The following SOHLH2 variants were observed in gnomAD, a reference collection of about 807,000 sequenced individuals.
SOHLH2 encodes the protein spermatogenesis- and oogenesis-specific basic helix-loop-helix-containing protein 2.
Under a neutral mutation model 50.4 loss-of-function variants are expected in SOHLH2, and 22 were observed. The observed-to-expected ratio is 0.44, with a 90% confidence interval of 0.31 to 0.62. SOHLH2 has a LOEUF of 0.62. Among genes scored for constraint, SOHLH2 ranks in the 20% least tolerant of loss-of-function variants. The pLI is 0.08. For missense variants in SOHLH2, 412 were observed against 504.4 expected (o/e 0.82, Z 1.76); for synonymous variants, 185 against 187.3 (o/e 0.99, Z 0.10).
chr13:36,194,136 A>C (rs575233374), intron 2 of SOHLH2, among the ~76,000 whole-genome samples: 162 of 152,030 alleles, frequency 1.1e-3, no homozygotes, highest in African/African-American at 3.7e-3. Context: ...AATTTTGTGG[A>C]AAGAAACATT....
chr13:36,180,658 A>G (rs1463188176), intron 6 of SOHLH2, among the ~76,000 whole-genome samples: 4 of 134,698 alleles, frequency 3.0e-5, no homozygotes, highest in African/African-American at 1.1e-4. Flanking sequence ...TTTTTTTTTA[A>G]TTTCCATATA....
chr13:36,171,864 C>T (rs1287903963), intron 9 of SOHLH2, among the ~76,000 whole-genome samples: 2 of 151,890 alleles, frequency 1.3e-5, no homozygotes, highest in Non-Finnish European at 2.9e-5. Context: ...ATGTATGACA[C>T]AAAGTTAAGT....
chr13:36,177,425 T>G (rs920655124), intron 6 of SOHLH2, among the ~76,000 whole-genome samples: 2 of 152,124 alleles, frequency 1.3e-5, no homozygotes, highest in African/African-American at 4.8e-5. Context: ...TTATTTCTCT[T>G]GGGTAATATC....
chr13:36,197,702 A>C (rs550131894), intron 2 of SOHLH2, among the ~76,000 whole-genome samples: 1 of 152,294 alleles, frequency 6.6e-6, no homozygotes, highest in South Asian at 2.1e-4. Context: ...CTTGTAACAA[A>C]TAATGTTCTT....
intron 10 of SOHLH2, 126 bp from the exon 11 acceptor site, chr13:36,169,180 A>G: frequency 7.4e-7 from 1 of 1,348,016 alleles, no homozygotes; most frequent in Non-Finnish European, 9.7e-7. Flanking sequence ...TTAAATCCTC[A>G]GGTGAATAAG....
chr13:36,180,149 C>T, intron 6 of SOHLH2, among the ~76,000 whole-genome samples: 1 of 152,120 alleles, frequency 6.6e-6, no homozygotes, highest in African/African-American at 2.4e-5. Context: ...TTATCCAGTA[C>T]ATCTAGGTTG....
At chr13:36,207,149 G>A (rs886567463) in intron 1 of SOHLH2, among the ~76,000 whole-genome samples, 2 of 151,808 alleles carry the variant, frequency 1.3e-5, no homozygotes, top group Admixed American at 6.6e-5. Flanking sequence ...TTTAATGTAT[G>A]AATTTAAGTA....
At chr13:36,208,401 T>C (rs771091032) in intron 1 of SOHLH2, among the ~76,000 whole-genome samples, 62 of 152,332 alleles carry the variant, frequency 4.1e-4, no homozygotes, top group African/African-American at 1.0e-3. Context: ...AATCCAATAC[T>C]ATCATTTATT....
chr13:36,180,968 G>A (rs1253011635), intron 6 of SOHLH2, among the ~76,000 whole-genome samples: 1 of 152,068 alleles, frequency 6.6e-6, no homozygotes, highest in Non-Finnish European at 1.5e-5. Flanking sequence ...AGAGAGGAGT[G>A]TTAAATCTCC....
At chr13:36,193,928 A>C in intron 2 of SOHLH2, 61 bp from the exon 3 acceptor site, 15 of 1,525,848 alleles carry the variant, frequency 9.8e-6, no homozygotes, top group Non-Finnish European at 1.3e-5. Context: ...ATTGAGATTC[A>C]GGAGTTTAGC....
At chr13:36,194,995 T>C (rs1887680446) in intron 2 of SOHLH2, among the ~76,000 whole-genome samples, 1 of 152,254 alleles carries the variant, frequency 6.6e-6, no homozygotes. Flanking sequence ...TCATATATAT[T>C]GAGAACCTCT....
chr13:36,212,633 T>C (rs990543187), intron 1 of SOHLH2, among the ~76,000 whole-genome samples: 4 of 152,232 alleles, frequency 2.6e-5, no homozygotes, highest in African/African-American at 9.6e-5. Context: ...TGATGAAATA[T>C]CTTTTTCTGT....
intron 1 of SOHLH2, among the ~76,000 whole-genome samples, chr13:36,208,106 C>T (rs1868893225): frequency 6.6e-6 from 1 of 152,184 alleles, no homozygotes; most frequent in Admixed American, 6.5e-5. Flanking sequence ...TACGTTAAAA[C>T]CATCACAGTA....
At chr13:36,196,109 T>C (rs1887717137) in intron 2 of SOHLH2, among the ~76,000 whole-genome samples, 2 of 149,704 alleles carry the variant, frequency 1.3e-5, no homozygotes, top group South Asian at 2.1e-4. Context: ...GATAGATAGA[T>C]AGATAGATAG....
At chr13:36,210,650 T>G (rs1566048618) in intron 1 of SOHLH2, among the ~76,000 whole-genome samples, 2 of 152,218 alleles carry the variant, frequency 1.3e-5, no homozygotes. Flanking sequence ...TTGACCTGTG[T>G]GCTCAATCAT....
intron 4 of SOHLH2, among the ~76,000 whole-genome samples, chr13:36,193,132 T>C (rs958215780): frequency 6.6e-6 from 1 of 152,210 alleles, no homozygotes; most frequent in African/African-American, 2.4e-5. Flanking sequence ...GCAAAGAGTT[T>C]AGAAATGTGA....
At chr13:36,194,699 G>C (rs2138304128) in intron 2 of SOHLH2, among the ~76,000 whole-genome samples, 1 of 152,270 alleles carries the variant, frequency 6.6e-6, no homozygotes, top group African/African-American at 2.4e-5. Context: ...ACTGAGCCTT[G>C]GCATTAGCCA....
chr13:36,185,391 C>T lies in SOHLH2; in HGVS notation c.641+4555G>A, dbSNP rs202059746. ...CTGAGGCAGGAGAATTGCTTGAACC[C>T]GGGAGGCAGAAGTTGCAGCGAGCCA... On this transcript the variant is annotated intron_variant, in intron 6 of 10. Transcript: ENST00000379881. Among the ~76,000 whole-genome samples, 81 of 151,944 alleles carry T rather than the reference C, an allele frequency of 5.3e-4. No homozygotes were observed. In the East Asian group the frequency reaches 0.014, roughly 27 times the overall value.
At chr13:36,186,267 T>C (rs1887414974) in intron 6 of SOHLH2, among the ~76,000 whole-genome samples, 1 of 152,006 alleles carries the variant, frequency 6.6e-6, no homozygotes, top group Non-Finnish European at 1.5e-5. Flanking sequence ...AAACTAAGAC[T>C]AGAAGGAAAC....
Sources: gnomAD v4.1 joint callset for allele counts (sites outside exome capture counted in the v4.1 genomes callset) on GRCh38, gnomAD v4.1.1 for gene constraint, MANE v1.5 for transcripts, NCBI Gene and HGNC (gene_info 2026-07-23, HGNC 2026-07-21) for gene names.